PDE4D: variants seen among roughly 807,000 people sequenced by gnomAD.
PDE4D encodes the protein phosphodiesterase 4D.
PDE4D carries 24 observed loss-of-function variants against 87.4 expected under a neutral mutation model. The observed-to-expected ratio is 0.27, with a 90% CI of 0.20 to 0.39. The LOEUF is 0.39. Ranked by LOEUF, PDE4D falls within the 10% of genes least tolerant of loss-of-function variation. The probability of loss-of-function intolerance (pLI) is 1.00; values close to 1 mark genes in which losing one functional copy is unlikely to be tolerated. For missense variants in PDE4D, 714 were observed against 1,041.0 expected (o/e 0.69, Z 4.32); for synonymous variants, 384 against 383.2 (o/e 1.00, Z -0.02).
chr5:60,305,832 TACAC>T (rs1283571431), intron 1 of PDE4D, among the ~76,000 whole-genome samples: 1 of 151,194 alleles, frequency 6.6e-6, no homozygotes. Flanking sequence ...TACACACACA[TACAC>T]ACACACACAT....
chr5:59,491,770 T>C (rs1806240639), intron 1 of PDE4D, among the ~76,000 whole-genome samples: 1 of 152,212 alleles, frequency 6.6e-6, no homozygotes, highest in Non-Finnish European at 1.5e-5. Flanking sequence ...TTAAATATAA[T>C]GTATAAGATA....
intron 1 of PDE4D, among the ~76,000 whole-genome samples, chr5:59,703,105 C>T (rs534359482): frequency 1.3e-5 from 2 of 152,106 alleles, no homozygotes; most frequent in African/African-American, 2.4e-5. Context: ...AATAGCTTTA[C>T]CAGAATGTTT....
At chr5:60,003,036 A>T (rs1429548256) in intron 2 of PDE4D, among the ~76,000 whole-genome samples, 1 of 152,196 alleles carries the variant, frequency 6.6e-6, no homozygotes, top group Non-Finnish European at 1.5e-5. Flanking sequence ...TGTCATAATT[A>T]AGAAAATAAT....
intron 6 of PDE4D, among the ~76,000 whole-genome samples, chr5:59,001,327 T>C (rs1207773770): frequency 2.6e-5 from 4 of 152,168 alleles, no homozygotes; most frequent in Non-Finnish European, 4.4e-5. Flanking sequence ...GCAGTCTTCC[T>C]GACATTTAAC....
chr5:60,060,385 G>A (rs1260835393), intron 2 of PDE4D, among the ~76,000 whole-genome samples: 1 of 152,064 alleles, frequency 6.6e-6, no homozygotes, highest in Non-Finnish European at 1.5e-5. Context: ...CTGTTCCCAT[G>A]TGTGGAGACT....
chr5:59,978,020 T>C (rs1251236234), intron 3 of PDE4D, among the ~76,000 whole-genome samples: 2 of 152,194 alleles, frequency 1.3e-5, no homozygotes, highest in Non-Finnish European at 2.9e-5. Flanking sequence ...AAAAAAAGAT[T>C]CTTTTCAAAA....
intron 1 of PDE4D, among the ~76,000 whole-genome samples, chr5:59,495,862 G>T (rs1429248398): frequency 6.6e-6 from 1 of 152,112 alleles, no homozygotes; most frequent in African/African-American, 2.4e-5. Context: ...CAGCATCTAG[G>T]GGTGGATGTT....
chr5:59,738,353 G>C (rs1266821099), intron 1 of PDE4D, among the ~76,000 whole-genome samples: 1 of 152,104 alleles, frequency 6.6e-6, no homozygotes, highest in Non-Finnish European at 1.5e-5. Context: ...AACAAAAAGA[G>C]TTCCTTTCCC....
intron 1 of PDE4D, among the ~76,000 whole-genome samples, chr5:60,436,122 A>G (rs1744741129): frequency 6.6e-6 from 1 of 152,100 alleles, no homozygotes; most frequent in Non-Finnish European, 1.5e-5. Context: ...TGAATTTATC[A>G]AAGTGCTGAA....
chr5:59,863,743 T>C (rs1746617845), intron 1 of PDE4D, among the ~76,000 whole-genome samples: 1 of 152,206 alleles, frequency 6.6e-6, no homozygotes, highest in African/African-American at 2.4e-5. Context: ...TGTCTTTTAG[T>C]TCCCTAAGTA....
intron 1 of PDE4D, among the ~76,000 whole-genome samples, chr5:60,363,865 A>G (rs996960517): frequency 6.6e-6 from 1 of 152,230 alleles, no homozygotes; most frequent in Non-Finnish European, 1.5e-5. Flanking sequence ...TTGGAGAGAA[A>G]GGCAGAGGCC....
chr5:59,131,059 C>T (rs1209019215), intron 5 of PDE4D, among the ~76,000 whole-genome samples: 2 of 152,092 alleles, frequency 1.3e-5, no homozygotes, highest in African/African-American at 4.8e-5. Context: ...TAGAAGATGG[C>T]CCTTTGGAAT....
intron 1 of PDE4D, among the ~76,000 whole-genome samples, chr5:59,361,179 G>A (rs1782166074): frequency 6.6e-6 from 1 of 151,844 alleles, no homozygotes; most frequent in African/African-American, 2.4e-5. Context: ...TGGGATTGAA[G>A]GAAAGAAATC....
Position 58,991,939 on chromosome 5 carries a change from T to C in PDE4D, c.1081A>G (p.Met361Val). ...TTCTTGACTCCACTGATCTGAGACATTGGTCTTTTCTTTTTCTCCTTTTCC... is the reference window on the plus strand; with the variant it reads ...TTCTTGACTCCACTGATCTGAGACACTGGTCTTTTCTTTTTCTCCTTTTCC... ...QKEKEKKKRP[M>V]SQISGVKKLM... Residue 361 changes from methionine to valine, a missense_variant, in exon 8 of 15, where the codon ATG becomes GTG. Around this residue, in one of 7 missense-constraint regions of PDE4D, gnomAD observed 141 missense variants for 204.3 expected, o/e 0.69. Coordinates refer to ENST00000340635, the MANE Select transcript of PDE4D (RefSeq NM_001104631.2). 2.5e-6 allele frequency: 4 copies of C among 1,604,526 alleles called. No individual in the cohort carries two copies. The highest frequency in any genetic ancestry group is 3.4e-6 in the Non-Finnish European group (4 of 1,174,828).
intron 1 of PDE4D, among the ~76,000 whole-genome samples, chr5:59,621,158 C>G (rs769465481): frequency 2.6e-5 from 4 of 152,210 alleles, no homozygotes; most frequent in Non-Finnish European, 5.9e-5. Context: ...CATCTTCACA[C>G]TTCAGGTGGC....
intron 2 of PDE4D, among the ~76,000 whole-genome samples, chr5:60,140,553 A>G (rs988613528): frequency 7.0e-5 from 1 of 14,330 alleles, no homozygotes; most frequent in Non-Finnish European, 1.6e-4. Flanking sequence ...TAAAAGGAGA[A>G]AAAAAAAAAA....
chr5:59,316,098 C>T (rs143634596), intron 1 of PDE4D, among the ~76,000 whole-genome samples: 205 of 152,128 alleles, frequency 1.3e-3, no homozygotes, highest in African/African-American at 4.5e-3. Flanking sequence ...AACTGAGGGC[C>T]GTAGACCCTG....
chr5:59,751,764 G>A (rs570162563), intron 1 of PDE4D, among the ~76,000 whole-genome samples: 1 of 152,132 alleles, frequency 6.6e-6, no homozygotes, highest in South Asian at 2.1e-4. Context: ...TTCCCTTGGT[G>A]AGAAAACACC....
intron 4 of PDE4D, 110 bp downstream of exon 4, chr5:59,185,061 GACTTAGTATACACAGACA>G: frequency 1.6e-6 from 1 of 621,026 alleles, no homozygotes; most frequent in Non-Finnish European, 2.9e-6. Flanking sequence ...GACATCATAT[GACTTAGTATACACAGACA>G]ACATGGCAAC....
Sources: gnomAD v4.1 joint callset for allele counts (sites outside exome capture counted in the v4.1 genomes callset) on GRCh38, gnomAD v4.1.1 for gene constraint, gnomAD v4.1.1 regional missense constraint, MANE v1.5 for transcripts, NCBI Gene and HGNC (gene_info 2026-07-23, HGNC 2026-07-21) for gene names.